Variants in PTPRB observed in about 807,000 individuals in gnomAD.
The protein encoded by PTPRB is protein tyrosine phosphatase receptor type B.
Under a neutral mutation model 238.1 loss-of-function variants are expected in PTPRB, and 97 were observed. The observed-to-expected ratio is 0.41, with a 90% CI of 0.35 to 0.48. PTPRB has a LOEUF of 0.48. Ranked by LOEUF, PTPRB falls within the 20% of genes least tolerant of loss-of-function variation. The pLI, the probability that PTPRB is intolerant of heterozygous loss-of-function variation, is 0.30. For missense variants in PTPRB, 2,292 were observed against 2,681.9 expected (o/e 0.85, Z 3.21); for synonymous variants, 970 against 995.4 (o/e 0.97, Z 0.48).
In PTPRB at chr12:70,594,672, C is replaced by T. The variant is rs780547523; in HGVS notation, c.1311G>A (p.Leu437=). The change falls in exon 6 of 34, where the codon CTG becomes CTA. Residue 437 remains leucine, a synonymous_variant. Transcript: ENST00000334414. Reference sequence around the variant, plus strand: ...TCCCAGAACCATGGGACCAGGAAATCAGGAGAGAATTGGCTTTTGTGGAAA... The same window carrying T: ...TCCCAGAACCATGGGACCAGGAAATTAGGAGAGAATTGGCTTTTGTGGAAA... The part of the protein sequence containing the change: ...IGISTKANSL[L]ISWSHGSGNV... 3.1e-6 allele frequency: 5 copies of T among 1,613,996 alleles called. 1 individual carries two copies. The South Asian group carries it at 5.5e-5, about 18-fold the overall frequency.
rs768281924 is a variant in PTPRB, at chr12:70,596,319, G to A, written c.988C>T (p.Pro330Ser). The part of the protein sequence containing the change: ...RTVVLQTDPL[P>S]PARFGVSKEK... Reference sequence around the variant, plus strand: ...TTACTGACTCCAAACCTAGCAGGAGGTAAAGGATCTGCAAGGCAAATACAC... The same window carrying A: ...TTACTGACTCCAAACCTAGCAGGAGATAAAGGATCTGCAAGGCAAATACAC... The change falls in exon 5 of 34, where the codon CCT (proline) becomes TCT (serine). Residue 330 changes from proline (P) to serine (S), a missense_variant. Pro to Ser is a moderately conservative substitution (Grantham distance 74, BLOSUM62 -1). Around this residue, in one of 4 missense-constraint regions of PTPRB, gnomAD observed 1,205 missense variants for 1,287.8 expected, o/e 0.94. Transcript: ENST00000334414. The A allele has an allele frequency of 6.5e-7, 1 of 1,536,540 alleles. No homozygotes were observed. Among genetic ancestry groups the A allele is most frequent in the Non-Finnish European group, 8.8e-7 (1 of 1,142,230 alleles).
chr12:70,601,585 T>A (rs1244946873), intron 4 of PTPRB, among the ~76,000 whole-genome samples: 1 of 152,086 alleles, frequency 6.6e-6, no homozygotes, highest in Non-Finnish European at 1.5e-5. Flanking sequence ...TAGCATTTTA[T>A]GTAAAATGGA....
At chr12:70,609,894 TGTTGCGCGCGCTCA>T (rs1196352116) in intron 3 of PTPRB, 1 of 1,349,124 alleles carries the variant, frequency 7.4e-7, no homozygotes, top group Non-Finnish European at 9.9e-7. Context: ...GGGGGTCACC[TGTTGCGCGCGCTCA>T]GCGCGCCCCG....
At chr12:70,579,436 C>T (rs1300519357) in intron 10 of PTPRB, among the ~76,000 whole-genome samples, 1 of 152,012 alleles carries the variant, frequency 6.6e-6, no homozygotes, top group Non-Finnish European at 1.5e-5. Flanking sequence ...CAGTGGCTCA[C>T]ACCTGTGATC....
At chr12:70,602,406 G>T (rs11178323) in intron 4 of PTPRB, among the ~76,000 whole-genome samples, 1 of 152,058 alleles carries the variant, frequency 6.6e-6, no homozygotes. Context: ...CTAAAATGCT[G>T]TATAAATGCA....
chr12:70,631,754 C>A (rs530138583), intron 2 of PTPRB, among the ~76,000 whole-genome samples: 20 of 152,220 alleles, frequency 1.3e-4, no homozygotes, highest in Admixed American at 7.2e-4. Flanking sequence ...ACAACCCCAT[C>A]AAAAAGTGGG....
rs547173822 is a variant in PTPRB at position 70,558,041 on chromosome 12, A to C, written c.4714+1302T>G. Among the ~76,000 whole-genome samples, 8 of 152,310 alleles carry C rather than the reference A, an allele frequency of 5.3e-5. No homozygotes were observed. In the South Asian group the frequency reaches 1.7e-3, roughly 32 times the overall value. On this transcript the variant is annotated intron_variant, in intron 18 of 33. Transcript: ENST00000334414. ...GCAGCTGGCTGTGGGGGACTGATGC[A>C]TACTGTTGAGGCTGATCTTACTCTG... is the stretch of plus-strand genomic sequence containing the variant.
intron 11 of PTPRB, among the ~76,000 whole-genome samples, chr12:70,574,790 G>A (rs971374655): frequency 5.3e-5 from 8 of 152,190 alleles, no homozygotes; most frequent in Non-Finnish European, 1.2e-4. Context: ...TCCATTAGTC[G>A]TGTACCAAGT....
chr12:70,631,139 G>A (rs908257965), intron 2 of PTPRB, among the ~76,000 whole-genome samples: 2 of 152,206 alleles, frequency 1.3e-5, no homozygotes, highest in Admixed American at 1.3e-4. Context: ...TAAGCAAAAA[G>A]AACAAAGCTG....
intron 8 of PTPRB, among the ~76,000 whole-genome samples, chr12:70,588,436 G>C (rs548058064): frequency 9.3e-4 from 141 of 152,024 alleles, no homozygotes; most frequent in African/African-American, 3.2e-3. Context: ...GAGTTTGAGA[G>C]CAGCCTGGCC....
At chr12:70,555,010 C>T in intron 20 of PTPRB, 150 bp downstream of exon 20, 1 of 842,354 alleles carries the variant, frequency 1.2e-6, no homozygotes, top group Non-Finnish European at 1.8e-6. Flanking sequence ...TTTCTTACAT[C>T]TCCCTGTATC....
rs1433999896 is a variant in PTPRB at position 70,584,644 on chromosome 12, A to G, written c.2311+2363T>C. The stretch of plus-strand genomic sequence containing the variant: ...AAACACAGAGTTGGAACTTAAGGAA[A>G]ATATCTTTCAAGACCGAGAGCTATA... On this transcript the variant is annotated intron_variant, in intron 9 of 33. Coordinates refer to ENST00000334414, the MANE Select transcript of PTPRB (RefSeq NM_001109754.4). 2.0e-5 allele frequency among the ~76,000 whole-genome samples: 3 copies of G among 152,184 alleles called. No homozygotes were observed. The East Asian group carries it at 5.8e-4, about 29-fold the overall frequency.
chr12:70,631,372 C>T (rs2136607628), intron 2 of PTPRB, among the ~76,000 whole-genome samples: 1 of 152,242 alleles, frequency 6.6e-6, no homozygotes, highest in African/African-American at 2.4e-5. Context: ...AACTGGCTAG[C>T]CATATGTAGA....
chr12:70,536,722 A>T (rs761709527), intron 28 of PTPRB, among the ~76,000 whole-genome samples: 12 of 152,184 alleles, frequency 7.9e-5, no homozygotes, highest in African/African-American at 2.9e-4. Flanking sequence ...TTCCTTGTCA[A>T]TTCTAATCGA....
intron 20 of PTPRB, 94 bp from the exon 21 acceptor site, chr12:70,553,114 C>T: frequency 7.1e-7 from 1 of 1,400,250 alleles, no homozygotes; most frequent in Non-Finnish European, 9.7e-7. Flanking sequence ...GCCTCCACAT[C>T]CACTATCTCT....
At chr12:70,541,006 C>T in intron 22 of PTPRB, 49 bp from the exon 23 acceptor site, 1 of 1,433,402 alleles carries the variant, frequency 7.0e-7, no homozygotes, top group South Asian at 1.2e-5. Flanking sequence ...AAAATTAGTG[C>T]TAGGGAACCA....
At chr12:70,586,329 TG>T (rs1431696492) in intron 9 of PTPRB, among the ~76,000 whole-genome samples, 1 of 152,194 alleles carries the variant, frequency 6.6e-6, no homozygotes, top group African/African-American at 2.4e-5. Context: ...GACTTTTTAA[TG>T]ATCGCCATTC....
chr12:70,548,396 T>C (rs1187963031), intron 21 of PTPRB, among the ~76,000 whole-genome samples: 4 of 149,534 alleles, frequency 2.7e-5, no homozygotes, highest in Non-Finnish European at 3.0e-5. Context: ...GCCATGACTT[T>C]TGTAGGAAGG....
chr12:70,526,086 T>C (rs374917298), intron 32 of PTPRB, among the ~76,000 whole-genome samples: 9 of 152,362 alleles, frequency 5.9e-5, no homozygotes, highest in Admixed American at 3.3e-4. Context: ...CAGGTACTTA[T>C]TTTTATGGGT....
Sources: allele counts gnomAD v4.1 joint callset (sites outside exome capture counted in the v4.1 genomes callset), GRCh38; gene constraint gnomAD v4.1.1; regional missense constraint gnomAD v4.1.1; transcripts MANE v1.5; gene names NCBI Gene and HGNC (gene_info 2026-07-23, HGNC 2026-07-21).